Variants in DIAPH3 observed in about 807,000 individuals in gnomAD.
DIAPH3 encodes the protein diaphanous related formin 3.
A neutral mutation model predicts 144.3 loss-of-function variants in DIAPH3; 117 were observed. The observed-to-expected ratio is 0.81, with a 90% CI of 0.70 to 0.95. DIAPH3 has a LOEUF of 0.95. Ranked by LOEUF, DIAPH3 falls within the 40% of genes least tolerant of loss-of-function variation. DIAPH3 has a pLI of 0.00. For missense variants in DIAPH3, 1,421 were observed against 1,412.7 expected (o/e 1.01, Z -0.09); for synonymous variants, 519 against 488.9 (o/e 1.06, Z -0.81).
At chr13:59,982,107 T>C (rs1389713219) in intron 13 of DIAPH3, among the ~76,000 whole-genome samples, 2 of 151,516 alleles carry the variant, frequency 1.3e-5, no homozygotes, top group Admixed American at 6.6e-5. Flanking sequence ...CACCTATTCA[T>C]AGAAATACAA....
rs1566623806 is a variant in DIAPH3 at position 59,991,198 on chromosome 13, G to A, written c.1321C>T (p.Leu441Phe). ...TTTCGAATCAGCAAAAGATGCTGAA[G>A]AATAGAAATAAAATATCCCTCTGCT... is the stretch of plus-strand genomic sequence containing the variant. ...TRAEGYFISI[L>F]QHLLLIRNDY... is the part of the protein sequence containing the mutation. The change falls in exon 12 of 28, where the codon CTT (leucine) becomes TTT (phenylalanine). Residue 441 changes from leucine to phenylalanine, a missense_variant. Coordinates refer to ENST00000400324, the MANE Select transcript of DIAPH3 (RefSeq NM_001042517.2). 1 of 1,610,658 alleles carries A rather than the reference G, an allele frequency of 6.2e-7. No individual in the cohort carries two copies. The highest frequency in any genetic ancestry group is 1.7e-5 in the Admixed American group (1 of 59,760).
chr13:59,817,576 T>C (rs2040841530), intron 24 of DIAPH3, among the ~76,000 whole-genome samples: 1 of 151,942 alleles, frequency 6.6e-6, no homozygotes, highest in African/African-American at 2.4e-5. Flanking sequence ...AGGTCTCTTA[T>C]AAACAGCATA....
chr13:60,137,538 TTA>T (rs138918440), intron 1 of DIAPH3, among the ~76,000 whole-genome samples: 208 of 152,198 alleles, frequency 1.4e-3, no homozygotes, highest in African/African-American at 4.9e-3. Context: ...TTCGCAAATT[TTA>T]TGTTTTCTTT....
intron 3 of DIAPH3, among the ~76,000 whole-genome samples, chr13:60,106,442 T>C (rs557665163): frequency 3.0e-4 from 46 of 152,206 alleles, no homozygotes; most frequent in African/African-American, 1.1e-3. Context: ...AATGAAAATA[T>C]AGGAGAATAG....
intron 5 of DIAPH3, among the ~76,000 whole-genome samples, chr13:60,017,491 A>G (rs1038355509): frequency 2.0e-5 from 3 of 152,144 alleles, no homozygotes; most frequent in African/African-American, 7.2e-5. Context: ...AAATACCAAA[A>G]TATCATTTTT....
intron 21 of DIAPH3, among the ~76,000 whole-genome samples, chr13:59,871,921 G>C (rs2044304620): frequency 6.6e-6 from 1 of 152,064 alleles, no homozygotes; most frequent in South Asian, 2.1e-4. Flanking sequence ...ACATCCATAG[G>C]ATCAGTAACG....
intron 27 of DIAPH3, among the ~76,000 whole-genome samples, chr13:59,741,620 G>A (rs963408649): frequency 6.6e-6 from 1 of 151,462 alleles, no homozygotes; most frequent in Admixed American, 6.6e-5. Flanking sequence ...CAGGAGCTGA[G>A]GTGGAAGGAT....
chr13:59,831,042 G>A (rs190121407), intron 24 of DIAPH3, among the ~76,000 whole-genome samples: 9 of 151,828 alleles, frequency 5.9e-5, no homozygotes, highest in South Asian at 2.1e-4. Context: ...ATTCTAGTTC[G>A]ACCATTTTAT....
intron 27 of DIAPH3, among the ~76,000 whole-genome samples, chr13:59,754,972 G>A (rs1002128418): frequency 6.6e-6 from 1 of 152,166 alleles, no homozygotes; most frequent in African/African-American, 2.4e-5. Context: ...TACACAGCTA[G>A]TAAAGTGGCA....
intron 25 of DIAPH3, among the ~76,000 whole-genome samples, chr13:59,780,327 A>G (rs991452330): frequency 2.6e-5 from 4 of 152,216 alleles, no homozygotes; most frequent in African/African-American, 7.2e-5. Flanking sequence ...GGCAAAAGGA[A>G]TAACAGGTAC....
chr13:59,673,546 G>A (rs1019236045), intron 27 of DIAPH3, among the ~76,000 whole-genome samples: 1 of 152,126 alleles, frequency 6.6e-6, no homozygotes, highest in Non-Finnish European at 1.5e-5. Context: ...TTGCTAATGA[G>A]GTAACTCATG....
chr13:59,723,205 AG>A (rs544458006), intron 27 of DIAPH3, among the ~76,000 whole-genome samples: 174 of 152,304 alleles, frequency 1.1e-3, no homozygotes, highest in African/African-American at 4.1e-3. Context: ...ACTTGAGCCA[AG>A]GTGTCCAGAT....
At chr13:59,673,564 C>T (rs2032489835) in intron 27 of DIAPH3, among the ~76,000 whole-genome samples, 1 of 151,944 alleles carries the variant, frequency 6.6e-6, no homozygotes, top group Non-Finnish European at 1.5e-5. Context: ...ATGGTGGGCC[C>T]CTAGATAGTT....
chr13:59,729,744 T>TG (rs1379361208), intron 27 of DIAPH3, among the ~76,000 whole-genome samples: 1 of 151,336 alleles, frequency 6.6e-6, no homozygotes, highest in Non-Finnish European at 1.5e-5. Flanking sequence ...ATATTACTAT[T>TG]GGGGGAAAAC....
rs1408084770 is a variant in DIAPH3 at position 60,050,754 on chromosome 13, G to T, written c.496-7934C>A. Among the ~76,000 whole-genome samples the T allele has an allele frequency of 7.9e-5, 12 of 152,160 alleles. No homozygotes were observed. In the South Asian group the frequency reaches 8.3e-4, roughly 10 times the overall value. ...TATTGGAGAGTTCTGAGCATAGAAA[G>T]TATAAGATGAAATAAACATTTTTTA... is the stretch of plus-strand genomic sequence containing the variant. On this transcript the variant is annotated intron_variant, in intron 4 of 27. Transcript: ENST00000400324.
At chr13:59,962,519 A>C (rs988732874) in intron 17 of DIAPH3, among the ~76,000 whole-genome samples, 3 of 152,080 alleles carry the variant, frequency 2.0e-5, no homozygotes, top group Non-Finnish European at 1.5e-5. Flanking sequence ...TCCAGGCCAC[A>C]CTCCTCCTGG....
At chr13:60,146,058 C>G (rs1951503706) in intron 1 of DIAPH3, among the ~76,000 whole-genome samples, 1 of 151,942 alleles carries the variant, frequency 6.6e-6, no homozygotes, top group East Asian at 1.9e-4. Flanking sequence ...TTATTACACC[C>G]TCTAAGTTGT....
intron 17 of DIAPH3, among the ~76,000 whole-genome samples, chr13:59,967,496 C>T (rs1409352155): frequency 2.6e-5 from 4 of 152,078 alleles, no homozygotes; most frequent in Non-Finnish European, 5.9e-5. Context: ...AATAAAAGAC[C>T]ACAAGTAGAC....
intron 24 of DIAPH3, among the ~76,000 whole-genome samples, chr13:59,811,394 T>C (rs893582220): frequency 2.6e-5 from 4 of 152,104 alleles, no homozygotes; most frequent in Non-Finnish European, 4.4e-5. Context: ...TTTATTACAA[T>C]CATATATGAA....
Sources: gnomAD v4.1 joint callset for allele counts (sites outside exome capture counted in the v4.1 genomes callset) on GRCh38, gnomAD v4.1.1 for gene constraint, MANE v1.5 for transcripts, NCBI Gene and HGNC (gene_info 2026-07-23, HGNC 2026-07-21) for gene names.